The following FAM193A variants were observed in gnomAD, a reference collection of about 807,000 sequenced individuals.
FAM193A encodes protein FAM193A.
A neutral mutation model predicts 126.5 loss-of-function variants in FAM193A; 22 were observed. The ratio of observed to expected loss-of-function variants is 0.17; its 90% CI spans 0.12 to 0.25. The LOEUF (loss-of-function observed/expected upper bound fraction) is 0.25, where lower values mean the gene tolerates loss of function less well. FAM193A is among the 10% of genes least tolerant of loss of function. FAM193A has a pLI of 1.00. For missense variants in FAM193A, 1,675 were observed against 1,672.8 expected (o/e 1.00, Z -0.02); for synonymous variants, 761 against 646.8 (o/e 1.18, Z -2.68).
chr4:2,662,774 G>C (rs1001128656), intron 10 of FAM193A, 64 bp from the exon 11 acceptor site: 1 of 1,291,816 alleles, frequency 7.7e-7, no homozygotes, highest in Non-Finnish European at 1.1e-6. Flanking sequence ...GTGCTTAGTG[G>C]CTGGTTTACT....
intron 1 of FAM193A, among the ~76,000 whole-genome samples, chr4:2,565,173 G>C (rs1407739761): frequency 1.3e-5 from 2 of 150,252 alleles, no homozygotes; most frequent in Non-Finnish European, 3.0e-5. Flanking sequence ...TTGATGAGAC[G>C]CAAGCTTGTG....
At chr4:2,711,000 C>T (rs1212337585) in intron 19 of FAM193A, among the ~76,000 whole-genome samples, 1 of 151,730 alleles carries the variant, frequency 6.6e-6, no homozygotes, top group Non-Finnish European at 1.5e-5. Flanking sequence ...TACAGGCGCC[C>T]ACCACCTCGC....
At chr4:2,566,037 T>C (rs1434573135) in intron 1 of FAM193A, among the ~76,000 whole-genome samples, 1 of 151,348 alleles carries the variant, frequency 6.6e-6, no homozygotes, top group Non-Finnish European at 1.5e-5. Context: ...ATTTTAACAA[T>C]GAGTGGAAAA....
chr4:2,642,720 TA>T (rs1744760725), intron 6 of FAM193A, among the ~76,000 whole-genome samples: 1 of 150,176 alleles, frequency 6.7e-6, no homozygotes, highest in Admixed American at 6.7e-5. Flanking sequence ...AAGTGCATCA[TA>T]AAACTCCCAT....
At chr4:2,660,478 G>A (rs946474253) in intron 10 of FAM193A, among the ~76,000 whole-genome samples, 2 of 152,148 alleles carry the variant, frequency 1.3e-5, no homozygotes, top group Non-Finnish European at 2.9e-5. Flanking sequence ...TCATGTTCCC[G>A]CATGATTAGA....
At chr4:2,666,756 A>C (rs1171144114) in intron 12 of FAM193A, among the ~76,000 whole-genome samples, 1 of 152,182 alleles carries the variant, frequency 6.6e-6, no homozygotes, top group Non-Finnish European at 1.5e-5. Context: ...TCTTTGTAGG[A>C]ATTTACTCAT....
chr4:2,553,707 G>T (rs1018588399), intron 1 of FAM193A, among the ~76,000 whole-genome samples: 1 of 152,044 alleles, frequency 6.6e-6, no homozygotes, highest in Non-Finnish European at 1.5e-5. Context: ...GTATGGTTTG[G>T]CTATGTTCCC....
chr4:2,624,183 CT>C (rs371817846), intron 2 of FAM193A, among the ~76,000 whole-genome samples: 75 of 147,484 alleles, frequency 5.1e-4, no homozygotes, highest in African/African-American at 6.7e-4. Context: ...TTCTCTCTCT[CT>C]TTTTTTTTTT....
rs781488456 is a variant in FAM193A at position 2,694,996 on chromosome 4, A to C, written c.3143A>C (p.Gln1048Pro). 6.2e-6 allele frequency: 10 copies of C among 1,609,342 alleles called. No individual in the cohort carries two copies. In the East Asian group the frequency reaches 2.2e-4, roughly 36 times the overall value. ...HRCENGVYDP[Q>P]QDDGDESADE... ...TGCGAGAATGGTGTCTACGACCCAC[A>C]GCAGGATGATGGGGACGAGAGTGCA... Residue 1048 changes from glutamine (Q) to proline (P), a missense_variant, in exon 17 of 21, where the codon CAG becomes CCG. Physicochemically the swap from Gln to Pro is moderately conservative, Grantham distance 76 (BLOSUM62 -1). Around this residue, in one of 4 missense-constraint regions of FAM193A, gnomAD observed 1,186 missense variants for 1,109.2 expected, o/e 1.07. Coordinates refer to ENST00000637812, the MANE Select transcript of FAM193A (RefSeq NM_001366318.2).
intron 1 of FAM193A, among the ~76,000 whole-genome samples, chr4:2,562,607 C>T (rs999498528): frequency 6.6e-6 from 1 of 151,976 alleles, no homozygotes; most frequent in Non-Finnish European, 1.5e-5. Flanking sequence ...GGCACCCACC[C>T]CCCAACTTGA....
intron 15 of FAM193A, among the ~76,000 whole-genome samples, chr4:2,693,271 G>C (rs1207776059): frequency 6.6e-6 from 1 of 152,052 alleles, no homozygotes; most frequent in Non-Finnish European, 1.5e-5. Flanking sequence ...ACCAGCCTCG[G>C]CCTCCCAAAG....
In FAM193A at chr4:2,558,256, G is replaced by A. The variant is rs566135599; in HGVS notation, c.255+21086G>A. ...TGTATTTCATCGTGTTTGACAGAGC[G>A]AGACTGCATCTCAAATGAAAAAAAA... is the stretch of plus-strand genomic sequence containing the variant. On this transcript the variant is annotated intron_variant, in intron 1 of 20. Transcript: ENST00000637812. 1.0e-4 allele frequency among the ~76,000 whole-genome samples: 15 copies of A among 149,488 alleles called. No homozygotes were observed. The East Asian group carries it at 1.2e-3, about 12-fold the overall frequency.
intron 13 of FAM193A, among the ~76,000 whole-genome samples, chr4:2,682,622 G>A (rs1325681495): frequency 2.0e-5 from 3 of 151,940 alleles, no homozygotes; most frequent in Admixed American, 2.0e-4. Context: ...TTTTAATTAA[G>A]CGTTTTATGG....
intron 1 of FAM193A, among the ~76,000 whole-genome samples, chr4:2,554,336 G>C (rs1459118292): frequency 6.6e-6 from 1 of 152,062 alleles, no homozygotes; most frequent in Non-Finnish European, 1.5e-5. Context: ...ACCCCGCTCA[G>C]CCTCCCAAAG....
At chr4:2,588,698 A>AT (rs139082549) in intron 1 of FAM193A, among the ~76,000 whole-genome samples, 6,303 of 152,188 alleles carry the variant, frequency 0.041, 444 homozygotes, top group African/African-American at 0.14. Flanking sequence ...CCTCTGTTCT[A>AT]TTTAAGTAGT....
At chr4:2,724,459 T>C (rs950084468) in intron 20 of FAM193A, among the ~76,000 whole-genome samples, 7 of 152,232 alleles carry the variant, frequency 4.6e-5, no homozygotes, top group Non-Finnish European at 1.0e-4. Context: ...TTCCTGCTTA[T>C]CTCTACTTTG....
chr4:2,606,585 A>G (rs964152599), intron 2 of FAM193A, among the ~76,000 whole-genome samples: 3 of 152,184 alleles, frequency 2.0e-5, no homozygotes, highest in Non-Finnish European at 2.9e-5. Context: ...TTTTCCCTAC[A>G]CTGTTATGTG....
At chr4:2,699,576 A>C in intron 18 of FAM193A, 104 bp from the exon 19 acceptor site, 1 of 1,114,814 alleles carries the variant, frequency 9.0e-7, no homozygotes, top group Non-Finnish European at 1.3e-6. Context: ...TTCAGAGTTT[A>C]TGTTCCATAT....
intron 5 of FAM193A, among the ~76,000 whole-genome samples, chr4:2,638,334 G>A (rs1048127139): frequency 3.9e-5 from 6 of 152,334 alleles, no homozygotes; most frequent in East Asian, 1.9e-4. Context: ...CATGGGCTTG[G>A]CATTTCACCT....
Sources: allele counts gnomAD v4.1 joint callset (sites outside exome capture counted in the v4.1 genomes callset), GRCh38; gene constraint gnomAD v4.1.1; regional missense constraint gnomAD v4.1.1; transcripts MANE v1.5; gene names NCBI Gene and HGNC (gene_info 2026-07-23, HGNC 2026-07-21).